Variants in ANK3 observed in about 807,000 individuals in gnomAD.
ANK3 encodes ankyrin 3, also known as ankyrin-3.
Under a neutral mutation model 370.9 loss-of-function variants are expected in ANK3, and 57 were observed. The ratio of observed to expected loss-of-function variants is 0.15; its 90% CI spans 0.12 to 0.19. The LOEUF (loss-of-function observed/expected upper bound fraction) is 0.19. Among genes scored for constraint, ANK3 ranks in the 10% least tolerant of loss-of-function variants. ANK3 has a pLI of 1.00. For synonymous variants in ANK3, 1,929 were observed against 1,946.3 expected (o/e 0.99, Z 0.23); for missense variants, 4,439 against 5,302.1 (o/e 0.84, Z 5.06).
chr10:60,588,925 A>C (rs2077872347), intron 2 of ANK3, among the ~76,000 whole-genome samples: 1 of 152,180 alleles, frequency 6.6e-6, no homozygotes, highest in South Asian at 2.1e-4. Flanking sequence ...CAAACACCAA[A>C]ACAAATAAAC....
At position 60,073,239 on chromosome 10, in the gene ANK3, C is replaced by T. The variant is rs759201055; in HGVS notation, c.7642G>A (p.Val2548Ile). Residue 2548 changes from valine to isoleucine, a missense_variant, in exon 37 of 44, where the codon GTT becomes ATT. Val to Ile is a conservative substitution (Grantham distance 29). This residue lies in a region of ANK3 where 1,601 missense variants were observed against 1,731.7 expected (regional missense o/e 0.92). Transcript: ENST00000280772. ...KVTVLHYSGN[V>I]SSPKHAMWMR... ...CACATGGCATGTTTTGGACTACTAA[C>T]ATTGCCAGAATAGTGCAACACTGTC... The T allele has an allele frequency of 4.3e-6, 7 of 1,614,160 alleles. No individual in the cohort carries two copies. In the Admixed American group the frequency reaches 5.0e-5, roughly 12 times the overall value.
At chr10:60,528,814 C>T (rs2076537993) in intron 2 of ANK3, among the ~76,000 whole-genome samples, 1 of 152,064 alleles carries the variant, frequency 6.6e-6, no homozygotes, top group Non-Finnish European at 1.5e-5. Flanking sequence ...TGTCAGTTGT[C>T]CCCTGGGGGA....
chr10:60,292,374 A>G (rs2041602943), intron 1 of ANK3, among the ~76,000 whole-genome samples: 1 of 152,066 alleles, frequency 6.6e-6, no homozygotes, highest in African/African-American at 2.4e-5. Flanking sequence ...AAAAAAAAAA[A>G]GTCTATCCAT....
chr10:60,693,297 C>T (rs2079385845), intron 1 of ANK3, among the ~76,000 whole-genome samples: 1 of 152,248 alleles, frequency 6.6e-6, no homozygotes, highest in South Asian at 2.1e-4. Flanking sequence ...TGAGATCAAA[C>T]TGCAAGGCAG....
intron 1 of ANK3, among the ~76,000 whole-genome samples, chr10:60,342,714 T>C (rs2054539377): frequency 6.6e-6 from 1 of 152,164 alleles, no homozygotes; most frequent in Non-Finnish European, 1.5e-5. Flanking sequence ...ATAGGCTGGA[T>C]GTAGAATCTA....
chr10:60,317,012 C>T (rs2047590352), intron 1 of ANK3, among the ~76,000 whole-genome samples: 1 of 152,178 alleles, frequency 6.6e-6, no homozygotes, highest in Non-Finnish European at 1.5e-5. Flanking sequence ...TCCCAAAGTG[C>T]TGGGATTACA....
chr10:60,312,985 C>T (rs1476567670), intron 1 of ANK3, among the ~76,000 whole-genome samples: 2 of 152,140 alleles, frequency 1.3e-5, no homozygotes, highest in African/African-American at 4.8e-5. Flanking sequence ...ACATCTGAGG[C>T]CTCCCCAGTG....
intron 1 of ANK3, chr10:60,300,274 T>A (rs1230709038): frequency 1.7e-6 from 2 of 1,157,854 alleles, no homozygotes; most frequent in Non-Finnish European, 2.3e-6. Flanking sequence ...AAAACAGAAC[T>A]TCTATAAGGA....
chr10:60,082,035 A>T, intron 35 of ANK3, 115 bp downstream of exon 35: 1 of 746,944 alleles, frequency 1.3e-6, no homozygotes, highest in Non-Finnish European at 2.1e-6. Flanking sequence ...CCTACTTAAG[A>T]CCTGAAAAAT....
intron 2 of ANK3, among the ~76,000 whole-genome samples, chr10:60,413,137 A>G (rs2063593191): frequency 6.6e-6 from 1 of 152,260 alleles, no homozygotes; most frequent in Non-Finnish European, 1.5e-5. Context: ...AGAGAATTGT[A>G]GCAATTCTAG....
chr10:60,434,846 T>A (rs1196264136), intron 2 of ANK3, among the ~76,000 whole-genome samples: 1 of 152,216 alleles, frequency 6.6e-6, no homozygotes, highest in Admixed American at 6.5e-5. Context: ...GAAAACTCAG[T>A]GAGGTTTTAT....
rs869144298 is a variant in ANK3, at chr10:60,246,255, CAAAAAAAAAAAAAA to C, written c.799-11483_799-11470del. On this transcript the variant is annotated intron_variant, in intron 7 of 43. Transcript: ENST00000280772. ...TGGGCAACAGAGAGAAACCCTGTAT[CAAAAAAAAAAAAAA>C]AAAAAAAAAAAAGAAAAAAGAAAAA... 5.0e-4 allele frequency among the ~76,000 whole-genome samples: 46 copies of C among 92,676 alleles called. 1 individual carries two copies. The East Asian group carries it at 0.01, about 21-fold the overall frequency. The allele number at this position is 92,676 out of a possible 152,430, so 60.8% of individuals were successfully genotyped here.
At chr10:60,060,259 A>C in intron 40 of ANK3, 1 of 306,246 alleles carries the variant, frequency 3.3e-6, no homozygotes, top group Non-Finnish European at 6.0e-6. Flanking sequence ...ACAATAAGTA[A>C]ATATGCACAC....
chr10:60,296,578 G>A (rs1229376357), intron 1 of ANK3, among the ~76,000 whole-genome samples: 1 of 152,164 alleles, frequency 6.6e-6, no homozygotes, highest in Non-Finnish European at 1.5e-5. Context: ...ATGAGAGGCT[G>A]TACCCTTCAA....
rs552490433 is a variant in ANK3, at chr10:60,706,203, C to T, written c.57+27060G>A. Among the ~76,000 whole-genome samples, 6 of 152,304 alleles carry T rather than the reference C, an allele frequency of 3.9e-5. No individual in the cohort carries two copies. The East Asian group carries it at 1.2e-3, about 29-fold the overall frequency. ...CATGGCCATCTTGCACAAGCACCAC[C>T]ATTGTAAAGTTCCCCTTGATCAAAA... On this transcript the variant is annotated intron_variant, in intron 1 of 43. Coordinates refer to the ANK3 transcript ENST00000373827.
At chr10:60,046,566 A>T (rs561052083) in intron 42 of ANK3, among the ~76,000 whole-genome samples, 2 of 152,282 alleles carry the variant, frequency 1.3e-5, no homozygotes, top group African/African-American at 4.8e-5. Context: ...ATTGACTTAG[A>T]TTCATTGACT....
At chr10:60,134,817 C>G (rs1423163320) in intron 24 of ANK3, among the ~76,000 whole-genome samples, 2 of 152,204 alleles carry the variant, frequency 1.3e-5, no homozygotes, top group Non-Finnish European at 2.9e-5. Flanking sequence ...TTGGGACTTA[C>G]TGAGAACTCT....
Position 60,071,274 on chromosome 10 carries a change from C to T in ANK3, c.9607G>A (p.Val3203Ile). 1 of 1,614,132 alleles carries T rather than the reference C, an allele frequency of 6.2e-7. No individual in the cohort carries two copies. Reference protein sequence around the residue: ...IPGKPSPIPEVSEESEEEEQA... With the variant: ...IPGKPSPIPEISEESEEEEQA... ...TCCTCCTCCTCTGACTCCTCAGAAA[C>T]CTCGGGAATTGGGCTGGGTTTGCCT... The change falls in exon 37 of 44, where the codon GTT becomes ATT. Residue 3203 changes from valine (V) to isoleucine (I), a missense_variant. By Grantham distance (29) the Val-to-Ile change is conservative (BLOSUM62 3). Transcript: ENST00000280772.
chr10:60,602,686 C>T (rs1476315944), intron 2 of ANK3, among the ~76,000 whole-genome samples: 1 of 152,064 alleles, frequency 6.6e-6, no homozygotes, highest in East Asian at 1.9e-4. Flanking sequence ...AGGCATCTCA[C>T]TGAAATATAG....
Sources: gnomAD v4.1 joint callset for allele counts (sites outside exome capture counted in the v4.1 genomes callset) on GRCh38, gnomAD v4.1.1 for gene constraint, gnomAD v4.1.1 regional missense constraint, MANE v1.5 for transcripts, NCBI Gene and HGNC (gene_info 2026-07-23, HGNC 2026-07-21) for gene names.